Variants in VPS39 observed in about 807,000 individuals in gnomAD.
The protein encoded by VPS39 is VPS39 subunit of HOPS complex, also known as vam6/Vps39-like protein.
Under a neutral mutation model 121.0 loss-of-function variants are expected in VPS39, and 70 were observed. The observed-to-expected ratio is 0.58, with a 90% CI of 0.48 to 0.71. The LOEUF is 0.71. Among genes scored for constraint, VPS39 ranks in the 30% least tolerant of loss-of-function variants. The probability of loss-of-function intolerance (pLI) is 0.00; values close to 1 mark genes in which losing one functional copy is unlikely to be tolerated. For missense variants in VPS39, 818 were observed against 1,051.5 expected (o/e 0.78, Z 3.07); for synonymous variants, 378 against 398.1 (o/e 0.95, Z 0.60).
chr15:42,174,637 G>A (rs1263025436), intron 10 of VPS39, among the ~76,000 whole-genome samples: 2 of 152,146 alleles, frequency 1.3e-5, no homozygotes, highest in African/African-American at 4.8e-5. Flanking sequence ...GTCTGAGTCC[G>A]GGGTCCAGGA....
intron 2 of VPS39, among the ~76,000 whole-genome samples, chr15:42,196,731 G>A (rs1424300407): frequency 2.0e-5 from 3 of 152,220 alleles, no homozygotes; most frequent in African/African-American, 4.8e-5. Flanking sequence ...TGGTGGGACT[G>A]TAAACTAGTT....
chr15:42,183,106 G>T (rs629337), intron 8 of VPS39, among the ~76,000 whole-genome samples: 1,804 of 112,622 alleles, frequency 0.016, 37 homozygotes, highest in African/African-American at 0.052. Flanking sequence ...TGTGTTTTTT[G>T]TTTTTTTTTT....
In VPS39 at chr15:42,165,827, G is replaced by C. The variant is rs745507648; in HGVS notation, c.1681-11C>G. The C allele has an allele frequency of 6.2e-7, 1 of 1,611,626 alleles. No individual in the cohort carries two copies. The highest frequency in any genetic ancestry group is 1.1e-5 in the South Asian group (1 of 91,018). On this transcript the variant is annotated splice_polypyrimidine_tract_variant and intron_variant, in intron 16 of 24. Transcript: ENST00000318006. ...ATCTTCAGTAAATATCTGTTAGAAT[G>C]AACCCGAGTTCCAGCAGCAGAACCA...
intron 8 of VPS39, among the ~76,000 whole-genome samples, chr15:42,181,607 C>A (rs1190328859): frequency 6.6e-6 from 1 of 151,870 alleles, no homozygotes; most frequent in Non-Finnish European, 1.5e-5. Flanking sequence ...TAGTAAAAAG[C>A]AAACCACTAG....
chr15:42,187,314 T>A lies in VPS39; in HGVS notation c.491A>T (p.Asn164Ile). The A allele has an allele frequency of 1.9e-6, 3 of 1,613,450 alleles. No homozygotes were observed. The highest frequency in any genetic ancestry group is 2.5e-6 in the Non-Finnish European group (3 of 1,179,894). Residue 164 changes from asparagine to isoleucine, a missense_variant, in exon 7 of 25, where the codon AAT (asparagine) becomes ATT (isoleucine). Asn to Ile is a moderately radical substitution (Grantham distance 149). Transcript: ENST00000318006. ...DVPKSMAWCE[N>I]SICVGFKRDY... is the part of the protein sequence containing the mutation. ...TCTCTTGAAACCCACACAGATAGAATTTTCACACCACGCCATGGACTTGGG... is the reference window on the plus strand; with the variant it reads ...TCTCTTGAAACCCACACAGATAGAAATTTCACACCACGCCATGGACTTGGG...
rs370885826 is a variant in VPS39 at position 42,187,868 on chromosome 15, C to G, written c.343-12G>C. ...CCGGTCTCTGTGTGCTGGGAGGAGA[C>G]ATGCAGAGCAAATGAAAATACAATG... On this transcript the variant is annotated splice_polypyrimidine_tract_variant and intron_variant, in intron 5 of 24. Transcript: ENST00000318006. The G allele has an allele frequency of 6.2e-7, 1 of 1,610,698 alleles. No homozygotes were observed. The highest frequency in any genetic ancestry group is 1.3e-5 in the African/African-American group (1 of 74,940).
chr15:42,204,637 G>A (rs1031055721), intron 1 of VPS39, among the ~76,000 whole-genome samples: 9 of 151,970 alleles, frequency 5.9e-5, no homozygotes, highest in Admixed American at 2.0e-4. Flanking sequence ...GCGACAGAGC[G>A]AGACTCAGTC....
chr15:42,184,395 G>T, intron 8 of VPS39, 122 bp downstream of exon 8: 1 of 991,966 alleles, frequency 1.0e-6, no homozygotes, highest in Non-Finnish European at 1.4e-6. Context: ...ATAAGAAGGG[G>T]AACTGAAAGT....
intron 9 of VPS39, 39 bp from the exon 10 acceptor site, chr15:42,178,377 G>T (rs369948041): frequency 1.2e-6 from 2 of 1,613,926 alleles, no homozygotes; most frequent in South Asian, 2.2e-5. Flanking sequence ...AAGATCACAG[G>T]CTTTGTGATG....
Position 42,162,158 on chromosome 15 carries a change from G to T in VPS39, c.2334C>A (p.Asn778Lys), listed in dbSNP as rs143055725. ...TGATCTGAGTGTTTGCTGGCAGAAG[G>T]TTGAGGGCCTAGGGACAGGAACAGA... Reference protein sequence around the residue: ...HSKLDTTKALNLLPANTQIND... With the variant: ...HSKLDTTKALKLLPANTQIND... Residue 778 changes from asparagine to lysine, a missense_variant, in exon 23 of 25, where the codon AAC (asparagine) becomes AAA (lysine). Coordinates refer to ENST00000318006, the MANE Select transcript of VPS39 (RefSeq NM_015289.5). 1.9e-5 allele frequency: 30 copies of T among 1,614,198 alleles called. No individual in the cohort carries two copies. The highest frequency in any genetic ancestry group is 2.5e-5 in the Non-Finnish European group (29 of 1,180,030).
chr15:42,166,284 C>T (rs766464281), intron 15 of VPS39, 52 bp from the exon 16 acceptor site: 13 of 1,563,882 alleles, frequency 8.3e-6, no homozygotes, highest in Non-Finnish European at 1.1e-5. Flanking sequence ...TTGCCTGTGG[C>T]ACTGGGAAGG....
At chr15:42,167,663 AT>A in intron 12 of VPS39, 126 bp from the exon 13 acceptor site, 3 of 1,255,794 alleles carry the variant, frequency 2.4e-6, no homozygotes, top group Non-Finnish European at 3.3e-6. Context: ...TTAGCATTCG[AT>A]TTTTAGCACT....
At chr15:42,170,694 T>C (rs2049329365) in intron 11 of VPS39, among the ~76,000 whole-genome samples, 1 of 150,500 alleles carries the variant, frequency 6.6e-6, no homozygotes, top group Non-Finnish European at 1.5e-5. Flanking sequence ...AGAGGTGACA[T>C]TTTCCTTCTG....
chr15:42,208,266 G>T lies in VPS39; in HGVS notation c.-113C>A, dbSNP rs1359256967. The T allele has an allele frequency of 4.4e-6, 6 of 1,375,692 alleles. No homozygotes were observed. The highest frequency in any genetic ancestry group is 5.9e-6 in the Non-Finnish European group (6 of 1,008,856). The allele number at this position is 1,375,692 out of a possible 1,614,324, so 85.2% of individuals were successfully genotyped here. A position where few individuals can be genotyped will look rare whatever the true frequency, so the allele number is the denominator to read the frequency against. The stretch of plus-strand genomic sequence containing the variant: ...ACCGGGATCCGGCCAGGAACCCCCC[G>T]GCTACAGGCCCTTCAACAACACAGC... On this transcript the variant is annotated 5_prime_UTR_variant, in exon 1 of 25. Transcript: ENST00000318006.
At chr15:42,167,611 G>C in intron 12 of VPS39, 74 bp from the exon 13 acceptor site, 1 of 1,564,250 alleles carries the variant, frequency 6.4e-7, no homozygotes, top group Non-Finnish European at 8.7e-7. Flanking sequence ...GGGTAATTCT[G>C]AATACCTCCA....
chr15:42,200,958 C>G (rs143263042), intron 1 of VPS39, among the ~76,000 whole-genome samples: 3 of 152,146 alleles, frequency 2.0e-5, no homozygotes, highest in Non-Finnish European at 4.4e-5. Flanking sequence ...CAAAAGGCCA[C>G]GTGATTCCAT....
At chr15:42,180,345 G>A (rs1384311114) in intron 8 of VPS39, among the ~76,000 whole-genome samples, 1 of 151,896 alleles carries the variant, frequency 6.6e-6, no homozygotes, top group Non-Finnish European at 1.5e-5. Context: ...CAAATTATTG[G>A]GTTATACTCC....
chr15:42,178,696 C>G, intron 8 of VPS39, 126 bp from the exon 9 acceptor site: 2 of 1,367,282 alleles, frequency 1.5e-6, no homozygotes, highest in Non-Finnish European at 1.0e-6. Flanking sequence ...AAATATCAAG[C>G]CAGGATCTTA....
chr15:42,191,275 A>G (rs1487990429), intron 3 of VPS39, 108 bp from the exon 4 acceptor site: 31 of 1,347,744 alleles, frequency 2.3e-5, no homozygotes, highest in Non-Finnish European at 3.2e-5. Context: ...ATCCAGTTAC[A>G]GGGATCTCAC....
Sources: gnomAD v4.1 joint callset for allele counts (sites outside exome capture counted in the v4.1 genomes callset) on GRCh38, gnomAD v4.1.1 for gene constraint, MANE v1.5 for transcripts, NCBI Gene and HGNC (gene_info 2026-07-23, HGNC 2026-07-21) for gene names.